The following CORO6 variants were observed in gnomAD, a reference collection of about 807,000 sequenced individuals.
The protein encoded by CORO6 is coronin 6, also known as coronin-6.
Under a neutral mutation model 49.0 loss-of-function variants are expected in CORO6, and 43 were observed. The observed-to-expected ratio is 0.88, with a 90% CI of 0.69 to 1.13. The LOEUF is 1.13. Ranked by LOEUF, CORO6 falls within the 50% of genes most tolerant of loss-of-function variation. CORO6 has a pLI of 0.00. For synonymous variants in CORO6, 233 were observed against 256.5 expected (o/e 0.91, Z 0.88); for missense variants, 650 against 647.0 (o/e 1.00, Z -0.05).
In CORO6 at chr17:29,621,146, G is replaced by A. The variant is rs2035286644; in HGVS notation, c.198+78C>T. ...TTCTCCTGACTATGGAATGGAACTA[G>A]GTGAGAACAAAGGCTCAGGAGTTCC... On this transcript the variant is annotated intron_variant, in intron 2 of 10. Transcript: ENST00000388767. The surrounding 1 kb of genome is among the most constrained non-coding windows in gnomAD (Gnocchi z 4.2). 6.5e-7 allele frequency: 1 copy of A among 1,547,186 alleles called. No homozygotes were observed. The highest frequency in any genetic ancestry group is 8.8e-7 in the Non-Finnish European group (1 of 1,130,940).
rs1436400121 is a variant in CORO6 at position 29,621,231 on chromosome 17, A to C, written c.191T>G (p.Leu64Arg). 12 of 1,613,990 alleles carry C rather than the reference A, an allele frequency of 7.4e-6. No individual in the cohort carries two copies. The African/African-American group carries it at 1.3e-4, about 18-fold the overall frequency. The change falls in exon 2 of 11, where the codon CTG becomes CGG. Residue 64 changes from leucine (L) to arginine (R), a missense_variant. Coordinates refer to ENST00000388767, the MANE Select transcript of CORO6 (RefSeq NM_032854.4). The surrounding 1 kb of genome is among the most constrained non-coding windows in gnomAD (Gnocchi z 4.2). ...GGGGAFIVLP[L>R]AKTGRVDKNY... ...CTTTCCCTGATCCCTCACCTTGGCC[A>C]GAGGCAGGACGATGAAGGCACCCCC...
chr17:29,615,687 C>A lies in CORO6; in HGVS notation c.*45G>T, dbSNP rs951335576. On this transcript the variant is annotated 3_prime_UTR_variant, in exon 11 of 11. Coordinates refer to ENST00000388767, the MANE Select transcript of CORO6 (RefSeq NM_032854.4). ...TCGGGACTAAAAGCCGGGGCGGGGC[C>A]GAGCTTGTGCGCCCCGCCCCGCTCC... The A allele has an allele frequency of 4.1e-6, 6 of 1,451,376 alleles. No individual in the cohort carries two copies. The African/African-American group carries it at 7.2e-5, about 18-fold the overall frequency. The allele number at this position is 1,451,376 out of a possible 1,614,324, so 89.9% of individuals were successfully genotyped here.
Position 29,616,440 on chromosome 17 carries a change from A to G in CORO6, c.1005-104T>C, listed in dbSNP as rs2034923532. 1.2e-5 allele frequency: 13 copies of G among 1,123,256 alleles called. No individual in the cohort carries two copies. The highest frequency in any genetic ancestry group is 3.9e-4 in the Middle Eastern group (2 of 5,148). The allele number at this position is 1,123,256 out of a possible 1,614,324, so 69.6% of individuals were successfully genotyped here. On this transcript the variant is annotated intron_variant, in intron 8 of 10. Coordinates refer to ENST00000388767, the MANE Select transcript of CORO6 (RefSeq NM_032854.4). This position sits in a 1 kb window ranked among gnomAD's most constrained non-coding sequence, Gnocchi z 5.6. The stretch of plus-strand genomic sequence containing the variant: ...GGCCAACACTTGCTCAGCGCCTACC[A>G]TGCATATTGCACATTACACACATTA...
chr17:29,616,097 C>T lies in CORO6; in HGVS notation c.1141G>A (p.Gly381Ser), dbSNP rs142704020. ...ATGAGCACGGGTTCGGCGTCCTGGCCGGATAGCCATTCGTCCGCTTCTAGG... is the reference window on the plus strand; with the variant it reads ...ATGAGCACGGGTTCGGCGTCCTGGCTGGATAGCCATTCGTCCGCTTCTAGG... ...PALEADEWLS[G>S]QDAEPVLISL... Residue 381 changes from glycine to serine, a missense_variant, in exon 10 of 11, where the codon GGC becomes AGC. Physicochemically the swap from Gly to Ser is moderately conservative, Grantham distance 56. Coordinates refer to ENST00000388767, the MANE Select transcript of CORO6 (RefSeq NM_032854.4). The surrounding 1 kb of genome is among the most constrained non-coding windows in gnomAD (Gnocchi z 5.6). The T allele has an allele frequency of 1.4e-5, 22 of 1,613,010 alleles. No homozygotes were observed. The highest frequency in any genetic ancestry group is 1.7e-5 in the Admixed American group (1 of 59,998).
chr17:29,616,442 G>T lies in CORO6; in HGVS notation c.1005-106C>A. On this transcript the variant is annotated intron_variant, in intron 8 of 10. Transcript: ENST00000388767. This position sits in a 1 kb window ranked among gnomAD's most constrained non-coding sequence, Gnocchi z 5.6. ...CCAACACTTGCTCAGCGCCTACCAT[G>T]CATATTGCACATTACACACATTATT... is the stretch of plus-strand genomic sequence containing the variant. 2 of 1,104,878 alleles carry T rather than the reference G, an allele frequency of 1.8e-6. No individual in the cohort carries two copies. The highest frequency in any genetic ancestry group is 1.3e-6 in the Non-Finnish European group (1 of 763,788). The allele number at this position is 1,104,878 out of a possible 1,614,324, so 68.4% of individuals were successfully genotyped here.
intron 5 of CORO6, chr17:29,618,357 TC>T: frequency 4.7e-6 from 6 of 1,281,954 alleles, no homozygotes; most frequent in Non-Finnish European, 5.9e-6. Context: ...GGTTGCCCCA[TC>T]CCCCGCCCAG....
At position 29,621,269 on chromosome 17, in the gene CORO6, C is replaced by T; in HGVS notation, c.153G>A (p.Val51=). The T allele has an allele frequency of 6.2e-7, 1 of 1,614,160 alleles. No individual in the cohort carries two copies. Among genetic ancestry groups the T allele is most frequent in the Non-Finnish European group, 8.5e-7 (1 of 1,180,034 alleles). Residue 51 remains valine, a synonymous_variant, in exon 2 of 11, where the codon GTG becomes GTA. Transcript: ENST00000388767. The surrounding 1 kb of genome is among the most constrained non-coding windows in gnomAD (Gnocchi z 4.2). The part of the protein sequence containing the change: ...AVNPKFLAII[V]EAGGGGAFIV... The stretch of plus-strand genomic sequence containing the variant: ...TGAAGGCACCCCCGCCTCCAGCCTC[C>T]ACAATAATGGCCAGGAATTTGGGGT...
chr17:29,619,595 G>A, intron 3 of CORO6, 56 bp downstream of exon 3: 4 of 1,578,710 alleles, frequency 2.5e-6, no homozygotes, highest in Admixed American at 1.7e-5. Context: ...GCACAGGTGA[G>A]GCAGCCTTCC....
At position 29,621,089 on chromosome 17, in the gene CORO6, G is replaced by T; in HGVS notation, c.198+135C>A. ...CTCCCCTCTGGTCCTTGAGGGCTTG[G>T]GGAATAGGGAGGAGCCAATCCACAC... On this transcript the variant is annotated intron_variant, in intron 2 of 10. Coordinates refer to ENST00000388767, the MANE Select transcript of CORO6 (RefSeq NM_032854.4). The surrounding 1 kb of genome is among the most constrained non-coding windows in gnomAD (Gnocchi z 4.2). 8.4e-7 allele frequency: 1 copy of T among 1,196,294 alleles called. No homozygotes were observed. The highest frequency in any genetic ancestry group is 1.2e-6 in the Non-Finnish European group (1 of 860,304). The allele number at this position is 1,196,294 out of a possible 1,614,324, so 74.1% of individuals were successfully genotyped here. A position where few individuals can be genotyped will look rare whatever the true frequency, so the allele number is the denominator to read the frequency against.
In CORO6 at chr17:29,615,337, A is replaced by C; in HGVS notation, c.*395T>G. ...CTGTCATTTTCCCCAGCCTGGGGGT[A>C]CCCATCAAATCGCCACCCGTTTGAG... On this transcript the variant is annotated 3_prime_UTR_variant, in exon 11 of 11. Coordinates refer to ENST00000388767, the MANE Select transcript of CORO6 (RefSeq NM_032854.4). The C allele has an allele frequency of 5.7e-6, 1 of 173,978 alleles. No individual in the cohort carries two copies. Among genetic ancestry groups the C allele is most frequent in the Non-Finnish European group, 1.2e-5 (1 of 82,270 alleles). The allele number at this position is 173,978 out of a possible 1,614,324, so 10.8% of individuals were successfully genotyped here.
At position 29,622,742 on chromosome 17, in the gene CORO6, CCCGAGTGCGTAGGGGG is replaced by C; in HGVS notation, c.-134_-119del. 4 of 1,317,528 alleles carry C rather than the reference CCCGAGTGCGTAGGGGG, an allele frequency of 3.0e-6. No individual in the cohort carries two copies. Among genetic ancestry groups the C allele is most frequent in the Non-Finnish European group, 4.0e-6 (4 of 999,262 alleles). 81.6% of individuals were successfully genotyped at this position (1,317,528 alleles called of 1,614,324 possible). On this transcript the variant is annotated 5_prime_UTR_variant, in exon 1 of 11. It introduces an in-frame stop codon into an upstream open reading frame of the 5' UTR. Coordinates refer to ENST00000388767, the MANE Select transcript of CORO6 (RefSeq NM_032854.4). ...CGCTGCGAATCCTCTGCGGAAGGGG[CCCGAGTGCGTAGGGGG>C]CCGAGGAAGGCTTCAGGGCGAAGGA...
intron 1 of CORO6, 47 bp downstream of exon 1, chr17:29,622,641 C>T: frequency 9.0e-7 from 1 of 1,111,096 alleles, no homozygotes; most frequent in South Asian, 1.7e-5. Flanking sequence ...AGGGACCCCG[C>T]CCGCTCCGCT....
rs1433949956 is a variant in CORO6, at chr17:29,616,367, A to G, written c.1005-31T>C. On this transcript the variant is annotated intron_variant, in intron 8 of 10. Transcript: ENST00000388767. The surrounding 1 kb of genome is among the most constrained non-coding windows in gnomAD (Gnocchi z 5.6). Reference sequence around the variant, plus strand: ...AGGGAGCAGGGTTCAGCACCCTCGCAGACTTCCACGTCCTTAACTTCTCCT... The same window carrying G: ...AGGGAGCAGGGTTCAGCACCCTCGCGGACTTCCACGTCCTTAACTTCTCCT... 6.3e-7 allele frequency: 1 copy of G among 1,579,380 alleles called. No individual in the cohort carries two copies. The highest frequency in any genetic ancestry group is 2.3e-5 in the East Asian group (1 of 43,996).
chr17:29,619,309 G>A lies in CORO6; in HGVS notation c.322-120C>T, dbSNP rs142118749. The A allele has an allele frequency of 1.0e-3, 1,253 of 1,231,336 alleles. 7 individuals carry two copies. In the African/African-American group the frequency reaches 0.018, roughly 17 times the overall value. The allele number at this position is 1,231,336 out of a possible 1,614,324, so 76.3% of individuals were successfully genotyped here. A position where few individuals can be genotyped will look rare whatever the true frequency, so the allele number is the denominator to read the frequency against. On this transcript the variant is annotated intron_variant, in intron 3 of 10. Coordinates refer to ENST00000388767, the MANE Select transcript of CORO6 (RefSeq NM_032854.4). ...CTTGAGTGGTAAGGGTCAAATACAGGGCAAGATGTGGTGGTGCATGCCTAG... is the reference window on the plus strand; with the variant it reads ...CTTGAGTGGTAAGGGTCAAATACAGAGCAAGATGTGGTGGTGCATGCCTAG...
Position 29,619,129 on chromosome 17 carries a change from C to T in CORO6, c.382G>A (p.Glu128Lys). 2 of 1,613,756 alleles carry T rather than the reference C, an allele frequency of 1.2e-6. No homozygotes were observed. Among genetic ancestry groups the T allele is most frequent in the Non-Finnish European group, 8.5e-7 (1 of 1,179,948 alleles). Residue 128 changes from glutamate (E) to lysine (K), a missense_variant, in exon 4 of 11, where the codon GAG (glutamate) becomes AAG (lysine). Glu to Lys is a moderately conservative substitution (Grantham distance 56, BLOSUM62 1). Coordinates refer to ENST00000388767, the MANE Select transcript of CORO6 (RefSeq NM_032854.4). ...RNITEPIITLEGHSKRVGILS... is the reference protein window; with the variant it reads ...RNITEPIITLKGHSKRVGILS... ...ATGCCCACACGCTTGGAGTGGCCCT[C>T]AAGTGTGATGATAGGTTCCGTAATG...
In CORO6 at chr17:29,618,851, G is replaced by A. The variant is rs1339467228; in HGVS notation, c.572C>T (p.Ala191Val). ...VCWNSNGSLL[A>V]TTCKDKTLRI... The stretch of plus-strand genomic sequence containing the variant: ...CAAGGTCTTGTCCTTGCAGGTGGTG[G>A]CTAGCAGGCTACCGTTGCTGTTCCA... The change falls in exon 5 of 11, where the codon GCC (alanine) becomes GTC (valine). Residue 191 changes from alanine (A) to valine (V), a missense_variant. By Grantham distance (64) the Ala-to-Val change is moderately conservative. Coordinates refer to ENST00000388767, the MANE Select transcript of CORO6 (RefSeq NM_032854.4). 4 of 1,614,036 alleles carry A rather than the reference G, an allele frequency of 2.5e-6. No homozygotes were observed. Among genetic ancestry groups the A allele is most frequent in the Non-Finnish European group, 2.5e-6 (3 of 1,180,008 alleles).
Position 29,618,947 on chromosome 17 carries a change from C to T in CORO6, c.476G>A (p.Trp159Ter). Residue 159 changes from tryptophan to a stop codon, truncating the protein, a stop_gained, in exon 5 of 11, where the codon TGG (tryptophan) becomes TAG (stop). Coordinates refer to ENST00000388767, the MANE Select transcript of CORO6 (RefSeq NM_032854.4). LOFTEE classifies it high-confidence loss of function. Reference protein sequence around the residue: ...SAGGDNVIIIWNVGTGEVLLS... With the variant: ...SAGGDNVIII ...CAGCACCTCCCCGGTGCCCACATTC[C>T]AGATGATGATCACATTGTCACCACC... 6.2e-7 allele frequency: 1 copy of T among 1,613,738 alleles called. No individual in the cohort carries two copies. Among genetic ancestry groups the T allele is most frequent in the Non-Finnish European group, 8.5e-7 (1 of 1,180,002 alleles).
Position 29,615,091 on chromosome 17 carries a change from TTC to T in CORO6, c.*639_*640del, listed in dbSNP as rs1462843557. The T allele has an allele frequency of 1.3e-5, 2 of 152,242 alleles. No individual in the cohort carries two copies. The highest frequency in any genetic ancestry group is 4.8e-5 in the African/African-American group (2 of 41,464). The allele number at this position is 152,242 out of a possible 1,614,324, so 9.4% of individuals were successfully genotyped here. A position where few individuals can be genotyped will look rare whatever the true frequency, so the allele number is the denominator to read the frequency against. On this transcript the variant is annotated 3_prime_UTR_variant, in exon 11 of 11. Coordinates refer to ENST00000388767, the MANE Select transcript of CORO6 (RefSeq NM_032854.4). ...TGATGAACCTAACTCCTCATGCCAG[TTC>T]TCTCGAGATTTCTTCGCGGGGGCTG...
intron 6 of CORO6, 194 bp downstream of exon 6, chr17:29,617,306 C>T: frequency 1.3e-6 from 2 of 1,526,788 alleles, no homozygotes; most frequent in East Asian, 2.4e-5. Flanking sequence ...CAGGTGGGGG[C>T]GCCAGCGCAG....
Sources: allele counts gnomAD v4.1 joint callset, GRCh38; gene constraint gnomAD v4.1.1; non-coding constraint Gnocchi (gnomAD v3.1); transcripts MANE v1.5; gene names NCBI Gene and HGNC (gene_info 2026-07-23, HGNC 2026-07-21).